SH3BP5: variants seen among roughly 807,000 people sequenced by gnomAD.
The protein encoded by SH3BP5 is SH3 domain binding protein 5, also known as SH3 domain-binding protein 5.
SH3BP5 carries 22 observed loss-of-function variants against 43.3 expected under a neutral mutation model. The observed-to-expected ratio is 0.51, with a 90% CI of 0.36 to 0.73. The LOEUF is 0.73. Ranked by LOEUF, SH3BP5 falls within the 30% of genes least tolerant of loss-of-function variation. The pLI, the probability that SH3BP5 is intolerant of heterozygous loss-of-function variation, is 0.00. For missense variants in SH3BP5, 529 were observed against 586.9 expected (o/e 0.90, Z 1.02); for synonymous variants, 255 against 225.8 (o/e 1.13, Z -1.16).
chr3:15,297,059 A>G (rs1480306170), intron 3 of SH3BP5, among the ~76,000 whole-genome samples: 3 of 151,730 alleles, frequency 2.0e-5, no homozygotes, highest in African/African-American at 7.3e-5. Context: ...TCACTATAAT[A>G]CTCTGTTCCT....
At chr3:15,263,289 TAGC>T (rs556892102) in intron 4 of SH3BP5, among the ~76,000 whole-genome samples, 15 of 152,024 alleles carry the variant, frequency 9.9e-5, no homozygotes, top group Non-Finnish European at 1.9e-4. Context: ...AATGGCCAAA[TAGC>T]AGCAGTGGGA....
chr3:15,301,233 A>G (rs979399097), intron 3 of SH3BP5, among the ~76,000 whole-genome samples: 5 of 152,118 alleles, frequency 3.3e-5, no homozygotes, highest in African/African-American at 1.2e-4. Context: ...GCCACTCTCC[A>G]TCTGCTTACC....
intron 2 of SH3BP5, among the ~76,000 whole-genome samples, chr3:15,307,184 C>T (rs1196296538): frequency 1.3e-5 from 2 of 152,146 alleles, no homozygotes; most frequent in Non-Finnish European, 2.9e-5. Context: ...ACAGGCTTTG[C>T]CCCCTTTCCC....
At chr3:15,292,274 A>G (rs1472795191) in intron 3 of SH3BP5, among the ~76,000 whole-genome samples, 2 of 152,158 alleles carry the variant, frequency 1.3e-5, no homozygotes, top group African/African-American at 4.8e-5. Context: ...CCCTCTAACC[A>G]CTATGCTGTG....
chr3:15,288,586 C>T (rs1038173050), intron 3 of SH3BP5, among the ~76,000 whole-genome samples: 3 of 152,116 alleles, frequency 2.0e-5, no homozygotes, highest in Non-Finnish European at 2.9e-5. Context: ...GGTGAAAACC[C>T]GTCTCTACTA....
At chr3:15,323,187 C>T (rs1698379578) in intron 2 of SH3BP5, among the ~76,000 whole-genome samples, 1 of 151,734 alleles carries the variant, frequency 6.6e-6, no homozygotes, top group Non-Finnish European at 1.5e-5. Context: ...CTCAGGGAAA[C>T]TAATTTTCAC....
chr3:15,306,830 A>G (rs2125115531), intron 2 of SH3BP5, among the ~76,000 whole-genome samples: 1 of 152,112 alleles, frequency 6.6e-6, no homozygotes, highest in Non-Finnish European at 1.5e-5. Flanking sequence ...CACCACGCCA[A>G]GCTAATTTTT....
At position 15,263,931 on chromosome 3, in the gene SH3BP5, C is replaced by G. The variant is rs1277692100; in HGVS notation, c.496-1642G>C. Among the ~76,000 whole-genome samples the G allele has an allele frequency of 2.6e-5, 4 of 152,084 alleles. No individual in the cohort carries two copies. In the East Asian group the frequency reaches 7.7e-4, roughly 29 times the overall value. On this transcript the variant is annotated intron_variant, in intron 4 of 8. Transcript: ENST00000383791. The stretch of plus-strand genomic sequence containing the variant: ...TCTCTGGGGAGCATCCGAGAGGAGC[C>G]CAGAGGGCTCATGGTCACTAGTCAG...
At position 15,331,458 on chromosome 3, in the gene SH3BP5, C is replaced by T. The variant is rs572251788; in HGVS notation, c.138+813G>A. On this transcript the variant is annotated intron_variant, in intron 1 of 8. Transcript: ENST00000383791. The stretch of plus-strand genomic sequence containing the variant: ...ATTTATTGAAAAGGTAGAAAAAAAA[C>T]GGGCCTTAGAAAGGGATTTGCTCTG... Among the ~76,000 whole-genome samples, 14 of 152,164 alleles carry T rather than the reference C, an allele frequency of 9.2e-5. No individual in the cohort carries two copies. The South Asian group carries it at 2.7e-3, about 29-fold the overall frequency.
intron 3 of SH3BP5, among the ~76,000 whole-genome samples, chr3:15,288,365 T>A (rs1185110542): frequency 3.3e-5 from 5 of 152,236 alleles, no homozygotes; most frequent in Admixed American, 2.0e-4. Flanking sequence ...TACTAAAGTT[T>A]TTGAGCAAGA....
At chr3:15,287,990 T>G (rs1022977245) in intron 3 of SH3BP5, among the ~76,000 whole-genome samples, 6 of 152,164 alleles carry the variant, frequency 3.9e-5, no homozygotes, top group African/African-American at 1.4e-4. Context: ...ATATAAGCAT[T>G]TATTATAAGG....
intron 1 of SH3BP5, chr3:15,341,177 T>G (rs1036426823): frequency 1.1e-4 from 17 of 152,494 alleles, no homozygotes; most frequent in African/African-American, 4.1e-4. Context: ...ATCTGACTTG[T>G]GCCCACATCT....
At chr3:15,271,292 G>A (rs537830734) in intron 3 of SH3BP5, among the ~76,000 whole-genome samples, 7 of 152,068 alleles carry the variant, frequency 4.6e-5, no homozygotes, top group African/African-American at 7.2e-5. Flanking sequence ...GCAGGAGACC[G>A]CTTGAGGTTA....
intron 3 of SH3BP5, among the ~76,000 whole-genome samples, chr3:15,296,563 G>T (rs779223244): frequency 6.6e-6 from 1 of 151,952 alleles, no homozygotes; most frequent in Non-Finnish European, 1.5e-5. Context: ...CCGAAGAAAA[G>T]AAAATAATAA....
At chr3:15,260,255 AAGAG>A (rs770668885) in intron 5 of SH3BP5, 7 of 179,768 alleles carry the variant, frequency 3.9e-5, no homozygotes, top group Non-Finnish European at 6.0e-5. Context: ...TCAACTGGGG[AAGAG>A]AGAGAAGCAC....
intron 3 of SH3BP5, 62 bp from the exon 4 acceptor site, chr3:15,269,939 T>G: frequency 7.2e-7 from 1 of 1,396,162 alleles, no homozygotes; most frequent in Non-Finnish European, 9.6e-7. Context: ...ATGGTCCATT[T>G]TACCTTTCAA....
rs368323320 is a variant in SH3BP5 at position 15,255,733 on chromosome 3, G to C, written c.*353C>G. On this transcript the variant is annotated 3_prime_UTR_variant, in exon 9 of 9. Transcript: ENST00000383791. ...CCCATACAAACTGAGGGTGAGAAGA[G>C]AAAGAGAAGCAAGCTGTTGCCCCCA... 1 of 198,180 alleles carries C rather than the reference G, an allele frequency of 5.0e-6. No individual in the cohort carries two copies. The highest frequency in any genetic ancestry group is 1.3e-4 in the East Asian group (1 of 7,944). The allele number at this position is 198,180 out of a possible 1,614,324, so 12.3% of individuals were successfully genotyped here.
chr3:15,292,003 C>T (rs1389228542), intron 3 of SH3BP5, among the ~76,000 whole-genome samples: 7 of 152,184 alleles, frequency 4.6e-5, no homozygotes, highest in Admixed American at 2.0e-4. Context: ...GGGGCCCAAA[C>T]CTCGTCACCA....
chr3:15,314,462 A>C (rs1698136407), intron 2 of SH3BP5, among the ~76,000 whole-genome samples: 1 of 152,148 alleles, frequency 6.6e-6, no homozygotes, highest in African/African-American at 2.4e-5. Context: ...CTACCTTAAG[A>C]ATTCTGCAGC....
Sources: allele counts gnomAD v4.1 joint callset (sites outside exome capture counted in the v4.1 genomes callset), GRCh38; gene constraint gnomAD v4.1.1; transcripts MANE v1.5; gene names NCBI Gene and HGNC (gene_info 2026-07-23, HGNC 2026-07-21).